MYO18B: variants seen among roughly 807,000 people sequenced by gnomAD.
MYO18B encodes the protein unconventional myosin-XVIIIb.
Under a neutral mutation model 273.0 loss-of-function variants are expected in MYO18B, and 204 were observed. That is an observed-to-expected ratio of 0.75 (90% CI 0.67 to 0.84). The LOEUF is 0.84. Among genes scored for constraint, MYO18B ranks in the 40% least tolerant of loss-of-function variants. The pLI is 0.00. For synonymous variants in MYO18B, 1,330 were observed against 1,305.7 expected (o/e 1.02, Z -0.40); for missense variants, 3,212 against 3,287.6 (o/e 0.98, Z 0.56).
chr22:25,980,027 G>T (rs2093133251), intron 39 of MYO18B, among the ~76,000 whole-genome samples: 2 of 152,178 alleles, frequency 1.3e-5, no homozygotes, highest in Non-Finnish European at 2.9e-5. Context: ...TAAAGTGGAT[G>T]AAATGGAGAG....
chr22:25,759,520 G>A (rs1187972705), intron 1 of MYO18B, among the ~76,000 whole-genome samples: 1 of 152,132 alleles, frequency 6.6e-6, no homozygotes, highest in Non-Finnish European at 1.5e-5. Flanking sequence ...GGCCTGTCGA[G>A]GGGTGGGGGA....
At chr22:25,758,643 A>G (rs1463627665) in intron 1 of MYO18B, among the ~76,000 whole-genome samples, 1 of 152,156 alleles carries the variant, frequency 6.6e-6, no homozygotes, top group Non-Finnish European at 1.5e-5. Flanking sequence ...CGAATGTCCA[A>G]AAAGGGCAAA....
intron 21 of MYO18B, among the ~76,000 whole-genome samples, chr22:25,855,012 G>T (rs1569114160): frequency 6.6e-6 from 1 of 152,096 alleles, no homozygotes; most frequent in Non-Finnish European, 1.5e-5. Context: ...TGTCATGGGG[G>T]TTTGTTGTAC....
intron 20 of MYO18B, among the ~76,000 whole-genome samples, chr22:25,847,948 TACACACACAC>T (rs59375568): frequency 5.5e-5 from 8 of 146,278 alleles, no homozygotes; most frequent in Admixed American, 1.4e-4. Flanking sequence ...CACACACACA[TACACACACAC>T]ACACACACAC....
chr22:26,045,545 A>C, the MYO18B span, among the ~76,000 whole-genome samples: 1 of 152,096 alleles, frequency 6.6e-6, no homozygotes, highest in Non-Finnish European at 1.5e-5. Flanking sequence ...TGGAGCAAAA[A>C]CTTTCCTATA....
chr22:25,847,276 G>A (rs2090279590), intron 19 of MYO18B, among the ~76,000 whole-genome samples, 154 bp from the exon 20 acceptor site: 1 of 152,090 alleles, frequency 6.6e-6, no homozygotes, highest in African/African-American at 2.4e-5. Flanking sequence ...TTTCTCATGA[G>A]CACAAATCAG....
intron 33 of MYO18B, among the ~76,000 whole-genome samples, chr22:25,919,491 G>T (rs2092309493): frequency 6.6e-6 from 1 of 152,164 alleles, no homozygotes; most frequent in Non-Finnish European, 1.5e-5. Flanking sequence ...TAGCTATAAA[G>T]TGTTTAGAAT....
At chr22:25,882,723 A>T (rs2091377176) in intron 25 of MYO18B, among the ~76,000 whole-genome samples, 2 of 152,094 alleles carry the variant, frequency 1.3e-5, no homozygotes, top group Admixed American at 6.5e-5. Flanking sequence ...CTACTGGTTT[A>T]TGTCGGTCAC....
intron 31 of MYO18B, among the ~76,000 whole-genome samples, chr22:25,904,252 G>T (rs1335551509): frequency 6.6e-6 from 1 of 152,100 alleles, no homozygotes; most frequent in Admixed American, 6.5e-5. Flanking sequence ...TGCAATCCTA[G>T]AGCCTAGAAT....
chr22:26,003,174 T>C (rs1190896249), intron 40 of MYO18B, 91 bp from the exon 41 acceptor site: 11 of 1,182,770 alleles, frequency 9.3e-6, no homozygotes, highest in Non-Finnish European at 1.4e-5. Context: ...GGAAGTGGGA[T>C]TCACACTCAT....
At chr22:25,761,214 T>C in intron 2 of MYO18B, 83 bp downstream of exon 2, 1 of 1,451,082 alleles carries the variant, frequency 6.9e-7, no homozygotes, top group African/African-American at 1.4e-5. Context: ...CTTTCCCACC[T>C]TGAGTGGGGA....
At chr22:25,831,104 T>C (rs978129837) in intron 15 of MYO18B, among the ~76,000 whole-genome samples, 4 of 152,192 alleles carry the variant, frequency 2.6e-5, no homozygotes, top group Non-Finnish European at 5.9e-5. Flanking sequence ...TTGTTTGTTG[T>C]TTGTTGTTGT....
intron 25 of MYO18B, among the ~76,000 whole-genome samples, chr22:25,885,932 C>T (rs759690080): frequency 1.3e-5 from 2 of 152,212 alleles, no homozygotes; most frequent in Non-Finnish European, 2.9e-5. Context: ...GACCCATTCC[C>T]ACTGACATCC....
intron 30 of MYO18B, 94 bp from the exon 31 acceptor site, chr22:25,903,537 C>A: frequency 1.5e-6 from 2 of 1,318,628 alleles, no homozygotes; most frequent in Non-Finnish European, 2.1e-6. Context: ...GTGGAAAACG[C>A]CACTCCAGCC....
At chr22:25,945,772 C>G (rs1269564384) in intron 34 of MYO18B, among the ~76,000 whole-genome samples, 2 of 4,312 alleles carry the variant, frequency 4.6e-4, no homozygotes, top group African/African-American at 1.3e-3. Context: ...GCCTCCCCTC[C>G]CCTCGCCTCC....
chr22:26,013,921 G>C (rs1242792940), intron 42 of MYO18B, among the ~76,000 whole-genome samples: 1 of 152,012 alleles, frequency 6.6e-6, no homozygotes, highest in African/African-American at 2.4e-5. Context: ...CCTTTATAAG[G>C]TATGTGGGTT....
chr22:25,939,426 G>C (rs1034286375), intron 34 of MYO18B, among the ~76,000 whole-genome samples: 4 of 152,164 alleles, frequency 2.6e-5, no homozygotes, highest in African/African-American at 7.2e-5. Context: ...CAGACTCTTC[G>C]ATCTTGCCCA....
At chr22:25,876,455 C>A in intron 24 of MYO18B, 123 bp downstream of exon 24, 1 of 1,083,064 alleles carries the variant, frequency 9.2e-7, no homozygotes, top group Non-Finnish European at 1.3e-6. Flanking sequence ...CTCAGCCCAA[C>A]AGCCTTGATG....
intron 33 of MYO18B, 42 bp downstream of exon 33, chr22:25,911,092 G>A: frequency 6.9e-7 from 1 of 1,451,496 alleles, no homozygotes; most frequent in South Asian, 1.2e-5. Context: ...GAGTATCTCA[G>A]GGACCTATTT....
Sources: allele counts gnomAD v4.1 joint callset (sites outside exome capture counted in the v4.1 genomes callset), GRCh38; gene constraint gnomAD v4.1.1; transcripts MANE v1.5; gene names NCBI Gene and HGNC (gene_info 2026-07-23, HGNC 2026-07-21).